The following GALNTL6 variants were observed in gnomAD, a reference collection of about 807,000 sequenced individuals.
GALNTL6 encodes polypeptide N-acetylgalactosaminyltransferase-like 6.
A neutral mutation model predicts 73.7 loss-of-function variants in GALNTL6; 46 were observed. The observed-to-expected ratio is 0.62, with a 90% CI of 0.49 to 0.80. GALNTL6 has a LOEUF of 0.80. Ranked by LOEUF, GALNTL6 falls within the 30% of genes least tolerant of loss-of-function variation. The pLI, the probability that GALNTL6 is intolerant of heterozygous loss-of-function variation, is 0.00. For missense variants in GALNTL6, 604 were observed against 755.0 expected (o/e 0.80, Z 2.34); for synonymous variants, 259 against 263.7 (o/e 0.98, Z 0.17).
At chr4:172,379,831 AG>A (rs1743211001) in intron 5 of GALNTL6, among the ~76,000 whole-genome samples, 1 of 152,168 alleles carries the variant, frequency 6.6e-6, no homozygotes, top group African/African-American at 2.4e-5. Flanking sequence ...CGATACTTCT[AG>A]CCTCTGCTCA....
chr4:172,692,777 T>C (rs992898988), intron 5 of GALNTL6, among the ~76,000 whole-genome samples: 1 of 152,134 alleles, frequency 6.6e-6, no homozygotes, highest in Non-Finnish European at 1.5e-5. Flanking sequence ...ATACATCCTG[T>C]GGTGGAAGTT....
chr4:172,394,582 C>A (rs1743784398), intron 5 of GALNTL6, among the ~76,000 whole-genome samples: 1 of 151,994 alleles, frequency 6.6e-6, no homozygotes, highest in Non-Finnish European at 1.5e-5. Context: ...CAGGCACACA[C>A]CACCACGCCC....
intron 5 of GALNTL6, among the ~76,000 whole-genome samples, chr4:172,650,846 C>G (rs1740443726): frequency 6.6e-6 from 1 of 152,028 alleles, no homozygotes; most frequent in East Asian, 1.9e-4. Flanking sequence ...TTGATAATGT[C>G]TAAAAAATTG....
rs545258421 is a variant in GALNTL6, at chr4:171,972,343, T to A, written c.138+157625T>A. 4.6e-5 allele frequency among the ~76,000 whole-genome samples: 7 copies of A among 152,334 alleles called. No homozygotes were observed. In the East Asian group the frequency reaches 1.3e-3, roughly 29 times the overall value. The stretch of plus-strand genomic sequence containing the variant: ...TATTATATTTCATAAATCATTTCAA[T>A]ATTAAATGATACTTCTAACTTAGTA... On this transcript the variant is annotated intron_variant, in intron 2 of 12. Coordinates refer to ENST00000506823, the MANE Select transcript of GALNTL6 (RefSeq NM_001034845.3).
chr4:172,020,806 A>G (rs969435611), intron 2 of GALNTL6, among the ~76,000 whole-genome samples: 4 of 152,088 alleles, frequency 2.6e-5, no homozygotes, highest in African/African-American at 4.8e-5. Context: ...AACTCATTCC[A>G]CAAGGCCTGT....
intron 5 of GALNTL6, among the ~76,000 whole-genome samples, chr4:172,722,432 A>G (rs2111361491): frequency 6.6e-6 from 1 of 152,316 alleles, no homozygotes; most frequent in East Asian, 1.9e-4. Flanking sequence ...ACATTTTAAA[A>G]ATAATCACTC....
chr4:172,251,721 T>C (rs543727544), intron 3 of GALNTL6, among the ~76,000 whole-genome samples: 1 of 152,042 alleles, frequency 6.6e-6, no homozygotes, highest in South Asian at 2.1e-4. Flanking sequence ...AAAGCAAAAC[T>C]AAGAGCAAAA....
intron 11 of GALNTL6, among the ~76,000 whole-genome samples, chr4:173,014,832 A>G (rs914672274): frequency 6.6e-6 from 1 of 152,208 alleles, no homozygotes; most frequent in Non-Finnish European, 1.5e-5. Context: ...AACATGACAC[A>G]TATCACATTA....
intron 7 of GALNTL6, among the ~76,000 whole-genome samples, chr4:172,872,324 G>A (rs1744989511): frequency 6.6e-6 from 1 of 152,128 alleles, no homozygotes; most frequent in South Asian, 2.1e-4. Context: ...AATGAAAACA[G>A]CATCCTATAC....
intron 2 of GALNTL6, among the ~76,000 whole-genome samples, chr4:172,169,673 A>G (rs1734750445): frequency 6.6e-6 from 1 of 152,308 alleles, no homozygotes; most frequent in East Asian, 1.9e-4. Flanking sequence ...CATCACCAAA[A>G]TCCAACTAAG....
chr4:172,188,645 A>G (rs1025124311), intron 2 of GALNTL6, among the ~76,000 whole-genome samples: 2 of 152,160 alleles, frequency 1.3e-5, no homozygotes, highest in African/African-American at 2.4e-5. Context: ...GTTTTAGGAG[A>G]TCTAATTTAG....
intron 8 of GALNTL6, among the ~76,000 whole-genome samples, chr4:172,890,529 A>G (rs1468743169): frequency 6.6e-6 from 1 of 151,972 alleles, no homozygotes; most frequent in African/African-American, 2.4e-5. Flanking sequence ...GTTGATTTTT[A>G]TTTTTATTCC....
At chr4:172,702,390 CCATT>C (rs1734076538) in intron 5 of GALNTL6, among the ~76,000 whole-genome samples, 1 of 151,962 alleles carries the variant, frequency 6.6e-6, no homozygotes. Flanking sequence ...CGCTATCTCT[CCATT>C]GTCATTTTTA....
chr4:172,918,273 A>G (rs1215466612), intron 8 of GALNTL6, among the ~76,000 whole-genome samples: 1 of 152,066 alleles, frequency 6.6e-6, no homozygotes, highest in Non-Finnish European at 1.5e-5. Context: ...GCATTAGGAG[A>G]AATACCTAAT....
At chr4:171,928,754 G>A (rs1214168787) in intron 2 of GALNTL6, among the ~76,000 whole-genome samples, 1 of 152,144 alleles carries the variant, frequency 6.6e-6, no homozygotes, top group Non-Finnish European at 1.5e-5. Flanking sequence ...GTTGCCTACA[G>A]TATTGAGTAC....
chr4:172,428,937 A>C (rs898312621), intron 5 of GALNTL6, among the ~76,000 whole-genome samples: 1 of 152,014 alleles, frequency 6.6e-6, no homozygotes. Flanking sequence ...AAAAAACAGA[A>C]ATTTATTTCT....
At chr4:172,850,345 A>G (rs1743746701) in intron 7 of GALNTL6, among the ~76,000 whole-genome samples, 1 of 152,216 alleles carries the variant, frequency 6.6e-6, no homozygotes, top group Non-Finnish European at 1.5e-5. Flanking sequence ...GAGATCACTT[A>G]TAGAACCAGT....
intron 2 of GALNTL6, among the ~76,000 whole-genome samples, chr4:171,910,558 A>T (rs1737446503): frequency 6.6e-6 from 1 of 152,040 alleles, no homozygotes; most frequent in Admixed American, 6.6e-5. Context: ...TAAATGACAG[A>T]AGTCTACATT....
intron 2 of GALNTL6, among the ~76,000 whole-genome samples, chr4:171,913,149 T>TA (rs1737521800): frequency 6.6e-6 from 1 of 152,156 alleles, no homozygotes; most frequent in Non-Finnish European, 1.5e-5. Flanking sequence ...TGGTACAAAG[T>TA]AAGGTTCAGA....
Sources: allele counts gnomAD v4.1 joint callset (sites outside exome capture counted in the v4.1 genomes callset), GRCh38; gene constraint gnomAD v4.1.1; transcripts MANE v1.5; gene names NCBI Gene and HGNC (gene_info 2026-07-23, HGNC 2026-07-21).